The following ZNF335 variants were observed in gnomAD, a reference collection of about 807,000 sequenced individuals.
ZNF335 encodes NRC-interacting factor 1.
ZNF335 carries 84 observed loss-of-function variants against 145.6 expected under a neutral mutation model. The observed-to-expected ratio is 0.58, with a 90% CI of 0.48 to 0.69. The LOEUF (loss-of-function observed/expected upper bound fraction) is 0.69. ZNF335 is among the 30% of genes least tolerant of loss of function. ZNF335 has a pLI of 0.00. For missense variants in ZNF335, 1,865 were observed against 1,809.7 expected (o/e 1.03, Z -0.55); for synonymous variants, 761 against 717.0 (o/e 1.06, Z -0.98).
At position 45,967,996 on chromosome 20, in the gene ZNF335, G is replaced by A; in HGVS notation, c.552C>T (p.Ser184=). The part of the protein sequence containing the change: ...GAPMTSPMSS[S]TLAHSLAAIE... Reference sequence around the variant, plus strand: ...TGGCTGCTAGGCTGTGGGCCAAGGTGGAACTGGACATTGGTGATGTCATGG... The same window carrying A: ...TGGCTGCTAGGCTGTGGGCCAAGGTAGAACTGGACATTGGTGATGTCATGG... Residue 184 remains serine (S), a synonymous_variant, in exon 5 of 28, where the codon TCC becomes TCT. Transcript: ENST00000322927. The A allele has an allele frequency of 6.2e-7, 1 of 1,612,656 alleles. No homozygotes were observed.
intron 1 of ZNF335, chr20:45,971,750 G>A (rs982069648): frequency 8.1e-6 from 8 of 985,338 alleles, no homozygotes; most frequent in African/African-American, 1.7e-5. Context: ...AGCCCCATCC[G>A]GGCCCAGTGG....
intron 17 of ZNF335, among the ~76,000 whole-genome samples, chr20:45,955,034 C>T (rs537178212): frequency 6.6e-6 from 1 of 152,080 alleles, no homozygotes; most frequent in East Asian, 1.9e-4. Flanking sequence ...GCTGGGATTA[C>T]AAGTGTGAGA....
In ZNF335 at chr20:45,952,676, C is replaced by A. The variant is rs1346220310; in HGVS notation, c.2736G>T (p.Val912=). Residue 912 remains valine (V), a synonymous_variant, in exon 19 of 28, where the codon GTG becomes GTT. Transcript: ENST00000322927. ...CTTCTTTTAGGGTGTCACTCACAACCACAGCCTGGGCTGCCTCTCCTGCGG... is the reference window on the plus strand; with the variant it reads ...CTTCTTTTAGGGTGTCACTCACAACAACAGCCTGGGCTGCCTCTCCTGCGG... ...EEPAGEAAQA[V]VVSDTLKEAG... 6.2e-7 allele frequency: 1 copy of A among 1,613,630 alleles called. No individual in the cohort carries two copies. The highest frequency in any genetic ancestry group is 2.2e-5 in the East Asian group (1 of 44,874).
rs79578404 is a variant in ZNF335, at chr20:45,954,898, G to A, written c.2443-950C>T. 1.4e-3 allele frequency among the ~76,000 whole-genome samples: 206 copies of A among 150,480 alleles called. 2 individuals are homozygous for A. In the East Asian group the frequency reaches 0.018, roughly 13 times the overall value. ...TCCTCCCACCTCAGCCTCTCAAGTA[G>A]CTGGTACTACAGGCATGCATTGCCA... is the stretch of plus-strand genomic sequence containing the variant. On this transcript the variant is annotated intron_variant, in intron 17 of 27. Coordinates refer to ENST00000322927, the MANE Select transcript of ZNF335 (RefSeq NM_022095.4).
rs2083855575 is a variant in ZNF335, at chr20:45,962,193, G to C, written c.1534-11C>G. 1 of 1,610,956 alleles carries C rather than the reference G, an allele frequency of 6.2e-7. No individual in the cohort carries two copies. The highest frequency in any genetic ancestry group is 1.3e-5 in the African/African-American group (1 of 74,878). The stretch of plus-strand genomic sequence containing the variant: ...GTTGAACATGTGCTCCTGGGAGACA[G>C]ACAAAAGGATGGTGGGCTGGGGCTT... On this transcript the variant is annotated splice_polypyrimidine_tract_variant and intron_variant, in intron 9 of 27. Transcript: ENST00000322927.
rs1025974433 is a variant in ZNF335 at position 45,965,496 on chromosome 20, G to T, written c.1102+132C>A. ...TGAGGGCTTTCCCCTTTCCCTGGAG[G>T]CCTGCAGGTGACCCGGTTTGAGACA... is the stretch of plus-strand genomic sequence containing the variant. On this transcript the variant is annotated intron_variant, in intron 7 of 27. Coordinates refer to ENST00000322927, the MANE Select transcript of ZNF335 (RefSeq NM_022095.4). 14 of 1,052,106 alleles carry T rather than the reference G, an allele frequency of 1.3e-5. No individual in the cohort carries two copies. In the African/African-American group the frequency reaches 2.3e-4, roughly 18 times the overall value. 65.2% of individuals were successfully genotyped at this position (1,052,106 alleles called of 1,614,324 possible).
chr20:45,949,200 G>C lies in ZNF335; in HGVS notation c.3871C>G (p.Leu1291Val). The C allele has an allele frequency of 6.2e-7, 1 of 1,613,904 alleles. No individual in the cohort carries two copies. The highest frequency in any genetic ancestry group is 8.5e-7 in the Non-Finnish European group (1 of 1,180,024). ...PGQQLVTQAQ[L>V]EAAAHSAVTA... ...ACAGCTGAGTGTGCTGCAGCCTCAA[G>C]TTGAGCCTGTGTGACAAGCTGCTGG... Residue 1291 changes from leucine to valine, a missense_variant, in exon 27 of 28, where the codon CTT (leucine) becomes GTT (valine). Coordinates refer to ENST00000322927, the MANE Select transcript of ZNF335 (RefSeq NM_022095.4).
rs35291173 is a variant in ZNF335, at chr20:45,949,228, T to C, written c.3843A>G (p.Pro1281=). The change falls in exon 27 of 28, where the codon CCA becomes CCG. Residue 1281 remains proline (P), a synonymous_variant. Coordinates refer to ENST00000322927, the MANE Select transcript of ZNF335 (RefSeq NM_022095.4). ...GAGCCTGTGTGACAAGCTGCTGGCC[T>C]GGGGACACAGGCACATACTGGATCT... ...ESQIQYVPVS[P]GQQLVTQAQL... 4.0e-4 allele frequency: 640 copies of C among 1,613,734 alleles called. 4 individuals are homozygous for C. Among genetic ancestry groups the C allele is most frequent in the Middle Eastern group, 3.3e-4 (2 of 6,084 alleles).
At chr20:45,962,033 C>G in intron 10 of ZNF335, 37 bp downstream of exon 10, 96 of 852,544 alleles carry the variant, frequency 1.1e-4, no homozygotes, top group Non-Finnish European at 1.6e-4. Context: ...CCCAACCTGG[C>G]CTCTCTTGCC....
intron 14 of ZNF335, 61 bp downstream of exon 14, chr20:45,960,147 C>A: frequency 6.3e-7 from 1 of 1,586,708 alleles, no homozygotes; most frequent in South Asian, 1.1e-5. Flanking sequence ...AGCTAAGCCT[C>A]TGATCAGGGG....
chr20:45,967,644 G>A lies in ZNF335; in HGVS notation c.815-10C>T. On this transcript the variant is annotated splice_polypyrimidine_tract_variant and intron_variant, in intron 5 of 27. Transcript: ENST00000322927. ...GCTGCGGCTGCTGCTACTGGAAGTG[G>A]AGGGAGGGTAAGACAAGCTTGCCAT... 2 of 1,613,756 alleles carry A rather than the reference G, an allele frequency of 1.2e-6. No homozygotes were observed. The highest frequency in any genetic ancestry group is 1.7e-6 in the Non-Finnish European group (2 of 1,179,908).
chr20:45,957,984 A>G (rs902592605), intron 15 of ZNF335, 56 bp from the exon 16 acceptor site: 6 of 1,432,836 alleles, frequency 4.2e-6, no homozygotes, highest in Non-Finnish European at 4.9e-6. Context: ...TTCAAGTGCC[A>G]TTTGCCAAGC....
rs1781916461 is a variant in ZNF335 at position 45,952,671 on chromosome 20, A to G, written c.2741T>C (p.Val914Ala). 3 of 1,613,670 alleles carry G rather than the reference A, an allele frequency of 1.9e-6. No individual in the cohort carries two copies. In the African/African-American group the frequency reaches 4.0e-5, roughly 22 times the overall value. The stretch of plus-strand genomic sequence containing the variant: ...GCCAGCTTCTTTTAGGGTGTCACTC[A>G]CAACCACAGCCTGGGCTGCCTCTCC... ...PAGEAAQAVV[V>A]SDTLKEAGTH... The change falls in exon 19 of 28, where the codon GTG becomes GCG. Residue 914 changes from valine (V) to alanine (A), a missense_variant. Val to Ala is a moderately conservative substitution (Grantham distance 64). Transcript: ENST00000322927.
intron 6 of ZNF335, among the ~76,000 whole-genome samples, chr20:45,966,621 A>G (rs1478564799): frequency 6.8e-6 from 1 of 147,636 alleles, no homozygotes; most frequent in Admixed American, 6.8e-5. Flanking sequence ...CATGATCTCA[A>G]CTCACTGCAA....
intron 11 of ZNF335, 43 bp downstream of exon 11, chr20:45,960,821 C>A (rs1160533236): frequency 1.9e-6 from 3 of 1,613,816 alleles, no homozygotes; most frequent in South Asian, 2.2e-5. Context: ...CCATAAACAA[C>A]CCCCGGGCAG....
In ZNF335 at chr20:45,969,672, C is replaced by T; in HGVS notation, c.221G>A (p.Ser74Asn). 6.2e-7 allele frequency: 1 copy of T among 1,611,724 alleles called. No individual in the cohort carries two copies. Among genetic ancestry groups the T allele is most frequent in the Non-Finnish European group, 8.5e-7 (1 of 1,179,116 alleles). ...SRSQEEVSES[S>N]SSADPLPNSY... Reference sequence around the variant, plus strand: ...ATTAGGCAGGGGGTCTGCGCTCGAGCTGCTCTCAGATACCTCCTCCTGAGG... The same window carrying T: ...ATTAGGCAGGGGGTCTGCGCTCGAGTTGCTCTCAGATACCTCCTCCTGAGG... The change falls in exon 3 of 28, where the codon AGC becomes AAC. Residue 74 changes from serine (S) to asparagine (N), a missense_variant. Transcript: ENST00000322927.
chr20:45,971,838 C>T, intron 1 of ZNF335: 1 of 984,924 alleles, frequency 1.0e-6, no homozygotes, highest in Non-Finnish European at 1.2e-6. Flanking sequence ...GTCAGTGGTT[C>T]GCTCCCCCCC....
intron 18 of ZNF335, 52 bp downstream of exon 18, chr20:45,953,637 C>G: frequency 6.3e-7 from 1 of 1,599,902 alleles, no homozygotes; most frequent in Non-Finnish European, 8.5e-7. Flanking sequence ...ATCGGACCGA[C>G]CGACCACACC....
chr20:45,965,221 A>G (rs986441434), intron 7 of ZNF335, among the ~76,000 whole-genome samples: 1 of 152,126 alleles, frequency 6.6e-6, no homozygotes. Context: ...TGCAGGCGGC[A>G]GAGCTGGTGC....
Sources: gnomAD v4.1 joint callset for allele counts (sites outside exome capture counted in the v4.1 genomes callset) on GRCh38, gnomAD v4.1.1 for gene constraint, MANE v1.5 for transcripts, NCBI Gene and HGNC (gene_info 2026-07-23, HGNC 2026-07-21) for gene names.